MYH10: variants seen among roughly 807,000 people sequenced by gnomAD.
MYH10 encodes myosin heavy chain 10, also known as myosin-10.
A neutral mutation model predicts 257.8 loss-of-function variants in MYH10; 55 were observed. That is an observed-to-expected ratio of 0.21 (90% CI 0.17 to 0.27). The LOEUF is 0.27. Ranked by LOEUF, MYH10 falls within the 10% of genes least tolerant of loss-of-function variation. MYH10 has a pLI of 1.00. For missense variants in MYH10, 1,631 were observed against 2,500.6 expected (o/e 0.65, Z 7.42); for synonymous variants, 854 against 921.7 (o/e 0.93, Z 1.33).
chr17:8,527,003 A>G (rs2081868534), intron 17 of MYH10, among the ~76,000 whole-genome samples: 2 of 152,218 alleles, frequency 1.3e-5, no homozygotes, highest in African/African-American at 4.8e-5. Context: ...TGAGGCATGG[A>G]GCAGGTTCTC....
chr17:8,583,364 A>G (rs2083779986), intron 4 of MYH10, among the ~76,000 whole-genome samples: 1 of 152,230 alleles, frequency 6.6e-6, no homozygotes, highest in Admixed American at 6.5e-5. Flanking sequence ...TATAAAATAG[A>G]GTCATTAGAA....
At chr17:8,483,627 C>T (rs1398184346) in intron 37 of MYH10, among the ~76,000 whole-genome samples, 2 of 152,142 alleles carry the variant, frequency 1.3e-5, no homozygotes, top group Non-Finnish European at 2.9e-5. Context: ...TTTAAGTGTG[C>T]CTTGCACTGT....
Position 8,493,040 on chromosome 17 carries a change from G to C in MYH10, c.4210-16C>G, listed in dbSNP as rs202163045. ...TATCAGCCAACTAGGTTTTGTGTAC[G>C]GACAAACAGAAAGCTCAGTATTAAT... On this transcript the variant is annotated splice_polypyrimidine_tract_variant and intron_variant, in intron 32 of 42. Transcript: ENST00000360416. 1.9e-6 allele frequency: 3 copies of C among 1,610,436 alleles called. No individual in the cohort carries two copies. The highest frequency in any genetic ancestry group is 2.5e-6 in the Non-Finnish European group (3 of 1,178,812).
chr17:8,582,251 G>T (rs2083731381), intron 4 of MYH10, among the ~76,000 whole-genome samples: 1 of 152,218 alleles, frequency 6.6e-6, no homozygotes, highest in Non-Finnish European at 1.5e-5. Context: ...AACAAAAGCA[G>T]AGGGAAGAGA....
chr17:8,475,782 C>T lies in MYH10; in HGVS notation c.*22G>A. The T allele has an allele frequency of 6.2e-7, 1 of 1,611,862 alleles. No individual in the cohort carries two copies. On this transcript the variant is annotated 3_prime_UTR_variant, in exon 43 of 43. Transcript: ENST00000360416. ...CATTCCTAACTGTCCCACTGTATTG[C>T]CTCCTCTGGCTTCCTGCAACTTTAC...
intron 4 of MYH10, among the ~76,000 whole-genome samples, chr17:8,583,488 C>A (rs2083784679): frequency 6.6e-6 from 1 of 151,986 alleles, no homozygotes; most frequent in Non-Finnish European, 1.5e-5. Flanking sequence ...GATAGCCCCC[C>A]TAAATAGTTA....
chr17:8,628,466 A>G (rs1029741533), intron 1 of MYH10, among the ~76,000 whole-genome samples: 19 of 152,356 alleles, frequency 1.2e-4, no homozygotes, highest in African/African-American at 4.3e-4. Context: ...CGGCCTGCAC[A>G]TAGAAAGGCA....
rs562028217 is a variant in MYH10, at chr17:8,609,896, ACT to A, written c.346-4916_346-4915del. On this transcript the variant is annotated intron_variant, in intron 2 of 42. Coordinates refer to ENST00000360416, the MANE Select transcript of MYH10 (RefSeq NM_001256012.3). ...TTCTTTGAGAGAAAATAGCAAAAAC[ACT>A]CTGTAAAAAAAAAAAACTTGAGAAA... Among the ~76,000 whole-genome samples, 175 of 151,778 alleles carry A rather than the reference ACT, an allele frequency of 1.2e-3. 3 individuals are homozygous for A. Among genetic ancestry groups the A allele is most frequent in the African/African-American group, 4.1e-3 (170 of 41,392 alleles).
At chr17:8,542,412 T>C in intron 13 of MYH10, 132 bp from the exon 14 acceptor site, 1 of 754,100 alleles carries the variant, frequency 1.3e-6, no homozygotes, top group Non-Finnish European at 2.1e-6. Context: ...ATTGCTTCTA[T>C]CTAATGACAG....
chr17:8,600,209 G>C (rs1427887479), intron 3 of MYH10, among the ~76,000 whole-genome samples: 1 of 152,208 alleles, frequency 6.6e-6, no homozygotes, highest in Non-Finnish European at 1.5e-5. Flanking sequence ...TACCAAACAA[G>C]AATAACCAAT....
chr17:8,511,007 A>G (rs1299400385), intron 24 of MYH10: 1 of 138,570 alleles, frequency 7.2e-6, no homozygotes. Flanking sequence ...AAAACATCTC[A>G]TGTACCCCAT....
At chr17:8,566,039 C>T (rs1464159399) in intron 7 of MYH10, among the ~76,000 whole-genome samples, 6 of 152,058 alleles carry the variant, frequency 3.9e-5, no homozygotes, top group African/African-American at 1.4e-4. Flanking sequence ...GGGGACTGTG[C>T]CATGCATTGG....
intron 24 of MYH10, among the ~76,000 whole-genome samples, chr17:8,510,195 C>T (rs905043159): frequency 1.3e-5 from 2 of 151,842 alleles, no homozygotes; most frequent in African/African-American, 2.4e-5. Flanking sequence ...CCCGCCACCA[C>T]GCCCGGCTAA....
At chr17:8,548,461 G>T (rs1188513099) in intron 10 of MYH10, 53 bp from the exon 11 acceptor site, 1 of 1,440,808 alleles carries the variant, frequency 6.9e-7, no homozygotes. Flanking sequence ...AAATGTAGCG[G>T]AGACATATTC....
chr17:8,492,544 G>T, intron 33 of MYH10, 35 bp from the exon 34 acceptor site: 1 of 1,572,532 alleles, frequency 6.4e-7, no homozygotes, highest in South Asian at 1.1e-5. Flanking sequence ...ACGAAAAACC[G>T]AAACAGTGAC....
intron 4 of MYH10, among the ~76,000 whole-genome samples, chr17:8,578,103 T>G (rs939096376): frequency 6.6e-6 from 1 of 152,172 alleles, no homozygotes; most frequent in African/African-American, 2.4e-5. Context: ...ACTGAAAGCT[T>G]TCTCAGATCC....
In MYH10 at chr17:8,513,183, G is replaced by A. The variant is rs184420413; in HGVS notation, c.2745+355C>T. 8.5e-5 allele frequency among the ~76,000 whole-genome samples: 13 copies of A among 152,238 alleles called. No homozygotes were observed. In the South Asian group the frequency reaches 1.7e-3, roughly 20 times the overall value. On this transcript the variant is annotated intron_variant, in intron 23 of 42. Coordinates refer to ENST00000360416, the MANE Select transcript of MYH10 (RefSeq NM_001256012.3). Reference sequence around the variant, plus strand: ...GTGGTGACCTCTACTCAAGCATCTCGTCCTTTGACCATTTTTCTATTTCCC... The same window carrying A: ...GTGGTGACCTCTACTCAAGCATCTCATCCTTTGACCATTTTTCTATTTCCC...
Position 8,498,382 on chromosome 17 carries a change from G to C in MYH10, c.3951+888C>G, listed in dbSNP as rs1597654518. On this transcript the variant is annotated intron_variant, in intron 30 of 42. Transcript: ENST00000360416. ...AATCCCCCAGTGGATACTGAGGGCTGACTGTATATACTTTTGTACACACTT... is the reference window on the plus strand; with the variant it reads ...AATCCCCCAGTGGATACTGAGGGCTCACTGTATATACTTTTGTACACACTT... 2.0e-5 allele frequency among the ~76,000 whole-genome samples: 3 copies of C among 152,266 alleles called. No homozygotes were observed. In the East Asian group the frequency reaches 5.8e-4, roughly 29 times the overall value.
rs1453721250 is a variant in MYH10, at chr17:8,490,639, G to A, written c.4672-87C>T. The A allele has an allele frequency of 5.3e-5, 73 of 1,384,146 alleles. No homozygotes were observed. The highest frequency in any genetic ancestry group is 1.4e-4 in the African/African-American group (10 of 70,238). 85.7% of individuals were successfully genotyped at this position (1,384,146 alleles called of 1,614,324 possible). Reference sequence around the variant, plus strand: ...GTCTTACTGTTTTACAGGCCCACTCGTGGCATGCTGGCCACTTTGGTCCCC... The same window carrying A: ...GTCTTACTGTTTTACAGGCCCACTCATGGCATGCTGGCCACTTTGGTCCCC... On this transcript the variant is annotated intron_variant, in intron 34 of 42. Transcript: ENST00000360416. The surrounding 1 kb of genome is among the most constrained non-coding windows in gnomAD (Gnocchi z 4.1).
Sources: allele counts gnomAD v4.1 joint callset (sites outside exome capture counted in the v4.1 genomes callset), GRCh38; gene constraint gnomAD v4.1.1; non-coding constraint Gnocchi (gnomAD v3.1); transcripts MANE v1.5; gene names NCBI Gene and HGNC (gene_info 2026-07-23, HGNC 2026-07-21).